CTNNA1: variants seen among roughly 807,000 people sequenced by gnomAD.
The protein encoded by CTNNA1 is catenin alpha-1.
A neutral mutation model predicts 98.4 loss-of-function variants in CTNNA1; 37 were observed. The ratio of observed to expected loss-of-function variants is 0.38; its 90% CI spans 0.29 to 0.49. The LOEUF is 0.49. CTNNA1 is among the 20% of genes least tolerant of loss of function. The pLI is 0.95. For missense variants in CTNNA1, 761 were observed against 1,147.2 expected (o/e 0.66, Z 4.86); for synonymous variants, 404 against 413.2 (o/e 0.98, Z 0.27).
intron 16 of CTNNA1, chr5:138,932,330 TG>T: frequency 7.6e-7 from 1 of 1,307,204 alleles, no homozygotes; most frequent in Non-Finnish European, 9.7e-7. Context: ...CAGAAGGCCT[TG>T]GCTATACAAC....
chr5:138,860,187 T>A (rs1764133039), intron 7 of CTNNA1, among the ~76,000 whole-genome samples: 1 of 152,254 alleles, frequency 6.6e-6, no homozygotes, highest in Admixed American at 6.5e-5. Context: ...ATTTATGTTT[T>A]TACTGGAAAT....
intron 3 of CTNNA1, among the ~76,000 whole-genome samples, chr5:138,785,886 G>A (rs994810929): frequency 3.3e-5 from 5 of 152,176 alleles, no homozygotes; most frequent in Non-Finnish European, 5.9e-5. Flanking sequence ...GAGCCAGTGC[G>A]CCTGGCCACA....
intron 1 of CTNNA1, among the ~76,000 whole-genome samples, chr5:138,764,354 G>A (rs1219765795): frequency 6.6e-6 from 1 of 151,948 alleles, no homozygotes; most frequent in Non-Finnish European, 1.5e-5. Context: ...CAACAAGAGT[G>A]AAACTCTGTC....
rs1756050603 is a variant in CTNNA1, at chr5:138,893,768, C to T, written c.1296+6126C>T. 2.6e-5 allele frequency among the ~76,000 whole-genome samples: 4 copies of T among 152,076 alleles called. No homozygotes were observed. The South Asian group carries it at 8.3e-4, about 32-fold the overall frequency. ...CCTCCTGATTAGCTGGGATTACAGACACGTGCCACCACGCCCACGTAATTT... is the reference window on the plus strand; with the variant it reads ...CCTCCTGATTAGCTGGGATTACAGATACGTGCCACCACGCCCACGTAATTT... On this transcript the variant is annotated intron_variant, in intron 9 of 17. Transcript: ENST00000302763.
Position 138,853,285 on chromosome 5 carries a change from T to C in CTNNA1, c.1062+25567T>C, listed in dbSNP as rs113250960. On this transcript the variant is annotated intron_variant, in intron 7 of 17. Transcript: ENST00000302763. ...AAGTTGCATTTCCCTTGACCACTGT[T>C]GAATTCAAATAATCTTTTTAATGTA... 5.9e-5 allele frequency among the ~76,000 whole-genome samples: 9 copies of C among 152,316 alleles called. 1 individual carries two copies. Among genetic ancestry groups the C allele is most frequent in the African/African-American group, 1.7e-4 (7 of 41,574 alleles).
In CTNNA1 at chr5:138,934,197, GA is replaced by G; in HGVS notation, c.*111del. The G allele has an allele frequency of 2.5e-6, 2 of 803,734 alleles. No homozygotes were observed. The highest frequency in any genetic ancestry group is 3.5e-5 in the South Asian group (2 of 56,360). The allele number at this position is 803,734 out of a possible 1,614,324, so 49.8% of individuals were successfully genotyped here. A position where few individuals can be genotyped will look rare whatever the true frequency, so the allele number is the denominator to read the frequency against. Reference sequence around the variant, plus strand: ...CAACACTGATACTAGATTCCACAGGGAAATGGGCAGACTGAACCAGTCCAGG... The same window carrying G: ...CAACACTGATACTAGATTCCACAGGGAATGGGCAGACTGAACCAGTCCAGG... On this transcript the variant is annotated 3_prime_UTR_variant, in exon 18 of 18. Coordinates refer to ENST00000302763, the MANE Select transcript of CTNNA1 (RefSeq NM_001903.5).
chr5:138,917,583 C>A (rs1762053781), intron 10 of CTNNA1, among the ~76,000 whole-genome samples, 159 bp from the exon 11 acceptor site: 1 of 152,132 alleles, frequency 6.6e-6, no homozygotes. Flanking sequence ...TGTATTAATT[C>A]AACTTCACCA....
intron 7 of CTNNA1, among the ~76,000 whole-genome samples, chr5:138,852,097 TA>T (rs1763241023): frequency 6.6e-6 from 1 of 151,958 alleles, no homozygotes; most frequent in East Asian, 1.9e-4. Flanking sequence ...AATAAATAAA[TA>T]AATATATAAC....
chr5:138,875,005 C>A, intron 7 of CTNNA1: 1 of 1,287,046 alleles, frequency 7.8e-7, no homozygotes, highest in South Asian at 1.2e-5. Flanking sequence ...AGCCTTTGAC[C>A]AGTTTCCTGT....
intron 1 of CTNNA1, among the ~76,000 whole-genome samples, chr5:138,779,297 C>T (rs1754768924): frequency 6.6e-6 from 1 of 152,122 alleles, no homozygotes; most frequent in African/African-American, 2.4e-5. Context: ...TAAAGAAATT[C>T]CCTCCCCATA....
At chr5:138,932,864 C>T (rs1157434546) in intron 17 of CTNNA1, 152 bp downstream of exon 17, 2 of 969,016 alleles carry the variant, frequency 2.1e-6, no homozygotes, top group African/African-American at 3.2e-5. Flanking sequence ...AGACCAAGGT[C>T]TGTCCATCAT....
At chr5:138,805,506 A>T (rs1052036567) in intron 3 of CTNNA1, among the ~76,000 whole-genome samples, 3 of 152,176 alleles carry the variant, frequency 2.0e-5, no homozygotes, top group African/African-American at 7.2e-5. Flanking sequence ...CCTGATGGCT[A>T]GTGAGGTTGA....
intron 13 of CTNNA1, among the ~76,000 whole-genome samples, chr5:138,925,950 C>T (rs897565445): frequency 1.3e-5 from 2 of 152,152 alleles, no homozygotes; most frequent in African/African-American, 4.8e-5. Context: ...AAAGGGGCCT[C>T]TATGGCATCT....
chr5:138,913,509 G>A (rs896393158), intron 10 of CTNNA1, among the ~76,000 whole-genome samples: 1 of 151,818 alleles, frequency 6.6e-6, no homozygotes, highest in Non-Finnish European at 1.5e-5. Flanking sequence ...ACTTGAACCC[G>A]GGAGGCGGAG....
intron 3 of CTNNA1, among the ~76,000 whole-genome samples, chr5:138,797,715 C>T (rs1462185847): frequency 1.3e-5 from 2 of 151,996 alleles, no homozygotes; most frequent in African/African-American, 4.8e-5. Flanking sequence ...TGAGCCATTA[C>T]GTTGTGGTTG....
intron 5 of CTNNA1, among the ~76,000 whole-genome samples, chr5:138,820,280 G>A (rs1468696882): frequency 1.3e-5 from 2 of 151,834 alleles, no homozygotes; most frequent in Non-Finnish European, 2.9e-5. Context: ...GGGGATGAAG[G>A]GAAGCTGTGG....
intron 7 of CTNNA1, among the ~76,000 whole-genome samples, chr5:138,852,278 T>G (rs1362042176): frequency 6.6e-6 from 1 of 152,166 alleles, no homozygotes; most frequent in Non-Finnish European, 1.5e-5. Context: ...CCTGTGAGGC[T>G]GTGGGCTAAT....
At chr5:138,777,502 CAGGCGGCTGGG>C (rs1322565362) in intron 1 of CTNNA1, among the ~76,000 whole-genome samples, 4 of 151,982 alleles carry the variant, frequency 2.6e-5, no homozygotes, top group Non-Finnish European at 4.4e-5. Context: ...GAGGCCAAGG[CAGGCGGCTGGG>C]AGGTGGAGGT....
At chr5:138,776,901 T>C (rs1754324399) in intron 1 of CTNNA1, among the ~76,000 whole-genome samples, 1 of 124,530 alleles carries the variant, frequency 8.0e-6, no homozygotes, top group Non-Finnish European at 1.7e-5. Flanking sequence ...GGCAGGGGGC[T>C]GACCCCCCCA....
Sources: allele counts gnomAD v4.1 joint callset (sites outside exome capture counted in the v4.1 genomes callset), GRCh38; gene constraint gnomAD v4.1.1; transcripts MANE v1.5; gene names NCBI Gene and HGNC (gene_info 2026-07-23, HGNC 2026-07-21).